Variants in EXOC1 observed in about 807,000 individuals in gnomAD.
EXOC1 encodes the protein exocyst complex component 1.
In EXOC1, 67 loss-of-function variants were observed where a neutral mutation model predicts 107.7. The ratio of observed to expected loss-of-function variants is 0.62; its 90% confidence interval spans 0.51 to 0.76. The LOEUF (loss-of-function observed/expected upper bound fraction) is 0.76. Ranked by LOEUF, EXOC1 falls within the 30% of genes least tolerant of loss-of-function variation. The pLI, the probability that EXOC1 is intolerant of heterozygous loss-of-function variation, is 0.00. For synonymous variants in EXOC1, 348 were observed against 353.5 expected (o/e 0.98, Z 0.17); for missense variants, 833 against 1,055.7 (o/e 0.79, Z 2.92).
intron 1 of EXOC1, among the ~76,000 whole-genome samples, chr4:55,858,029 C>T (rs1204206784): frequency 6.6e-6 from 1 of 152,038 alleles, no homozygotes; most frequent in East Asian, 1.9e-4. Flanking sequence ...ATGTAGAAAA[C>T]TATATTAAAA....
intron 16 of EXOC1, among the ~76,000 whole-genome samples, 191 bp from the exon 17 acceptor site, chr4:55,899,494 G>A (rs576806118): frequency 6.6e-6 from 1 of 152,114 alleles, no homozygotes; most frequent in South Asian, 2.1e-4. Context: ...ATACACATGG[G>A]ACTGTTTTAG....
chr4:55,890,134 C>T (rs1411268817), intron 11 of EXOC1, 89 bp from the exon 12 acceptor site: 12 of 1,281,954 alleles, frequency 9.4e-6, no homozygotes, highest in African/African-American at 1.5e-5. Context: ...AAGATCAAGC[C>T]AGTAGAAGAT....
intron 2 of EXOC1, among the ~76,000 whole-genome samples, chr4:55,859,395 G>A (rs978851164): frequency 1.3e-5 from 2 of 151,964 alleles, no homozygotes; most frequent in African/African-American, 4.8e-5. Context: ...TTTGATAGTC[G>A]TGAAAGCGCT....
Position 55,868,332 on chromosome 4 carries a change from T to C in EXOC1, c.416-4T>C, listed in dbSNP as rs1220068227. 6.2e-7 allele frequency: 1 copy of C among 1,604,470 alleles called. No homozygotes were observed. On this transcript the variant is annotated splice_polypyrimidine_tract_variant and splice_region_variant and intron_variant, in intron 4 of 18. Transcript: ENST00000381295. ...ATTTTACTTTGAATTTTTACCTCTT[T>C]AAGAATCTGTTCCAAGTGGAGAAAA...
intron 10 of EXOC1, among the ~76,000 whole-genome samples, chr4:55,886,575 CAAAAAAAA>C (rs71832369): frequency 5.2e-5 from 5 of 96,238 alleles, no homozygotes; most frequent in Admixed American, 1.9e-4. Context: ...AACAAAAAAA[CAAAAAAAA>C]AAAAAACAAG....
chr4:55,882,429 A>C (rs938796111), intron 9 of EXOC1, among the ~76,000 whole-genome samples: 5 of 152,212 alleles, frequency 3.3e-5, no homozygotes, highest in Admixed American at 6.5e-5. Flanking sequence ...AGTTCTGTTG[A>C]GTGCCAGGAA....
intron 1 of EXOC1, among the ~76,000 whole-genome samples, chr4:55,855,962 G>C (rs547297738): frequency 6.6e-6 from 1 of 152,202 alleles, no homozygotes; most frequent in Non-Finnish European, 1.5e-5. Flanking sequence ...GTATTTCATG[G>C]CTTTTATATC....
chr4:55,896,870 A>T lies in EXOC1; in HGVS notation c.2107A>T (p.Thr703Ser). Residue 703 changes from threonine to serine, a missense_variant, in exon 16 of 19, where the codon ACC becomes TCC. Thr to Ser is a moderately conservative substitution (Grantham distance 58). Around this residue, in one of 2 missense-constraint regions of EXOC1, gnomAD observed 216 missense variants for 354.4 expected, o/e 0.61. Coordinates refer to ENST00000381295, the MANE Select transcript of EXOC1 (RefSeq NM_001024924.2). ...TCGTGGAGACCTGGATAAAGCATAC[A>T]CCAAACTTATCAGAGGAGTATTTGT... Reference protein sequence around the residue: ...ERRGDLDKAYTKLIRGVFVNV... With the variant: ...ERRGDLDKAYSKLIRGVFVNV... The T allele has an allele frequency of 6.2e-7, 1 of 1,605,088 alleles. No individual in the cohort carries two copies. The highest frequency in any genetic ancestry group is 2.3e-5 in the East Asian group (1 of 44,430).
intron 1 of EXOC1, among the ~76,000 whole-genome samples, chr4:55,857,961 G>A (rs745919318): frequency 1.3e-5 from 2 of 152,126 alleles, no homozygotes; most frequent in Non-Finnish European, 2.9e-5. Flanking sequence ...GTCTGTTCAG[G>A]TCTTTTATTC....
chr4:55,870,621 G>A (rs1328159297), intron 5 of EXOC1, 57 bp from the exon 6 acceptor site: 2 of 1,444,668 alleles, frequency 1.4e-6, no homozygotes, highest in African/African-American at 1.5e-5. Flanking sequence ...TAAATAACAA[G>A]TATGTTTTTT....
chr4:55,892,470 G>A (rs1724673902), intron 13 of EXOC1, 165 bp from the exon 14 acceptor site: 1 of 600,114 alleles, frequency 1.7e-6, no homozygotes, highest in Admixed American at 3.0e-5. Context: ...TTCTTAAATA[G>A]CATACTAAAT....
chr4:55,891,558 G>A lies in EXOC1; in HGVS notation c.1647+136G>A, dbSNP rs1724552363. The A allele has an allele frequency of 2.1e-5, 13 of 605,718 alleles. No homozygotes were observed. The South Asian group carries it at 2.2e-4, about 10-fold the overall frequency. The allele number at this position is 605,718 out of a possible 1,614,324, so 37.5% of individuals were successfully genotyped here. ...TGTAAGGATTTTTTTATGATGTAAG[G>A]ATTTAGGATGTAAGGAATTTTTGTA... On this transcript the variant is annotated intron_variant, in intron 13 of 18. Coordinates refer to ENST00000381295, the MANE Select transcript of EXOC1 (RefSeq NM_001024924.2).
At chr4:55,880,571 C>A (rs1723296222) in intron 9 of EXOC1, among the ~76,000 whole-genome samples, 1 of 152,052 alleles carries the variant, frequency 6.6e-6, no homozygotes, top group South Asian at 2.1e-4. Flanking sequence ...AATTATATTT[C>A]CTTAAGAGTT....
chr4:55,887,132 TA>T (rs1723963642), intron 10 of EXOC1, among the ~76,000 whole-genome samples: 1 of 152,196 alleles, frequency 6.6e-6, no homozygotes. Flanking sequence ...AATTTTTTTT[TA>T]GTCACCATTT....
chr4:55,887,396 A>T (rs1724025876), intron 10 of EXOC1, among the ~76,000 whole-genome samples: 1 of 152,148 alleles, frequency 6.6e-6, no homozygotes, highest in Admixed American at 6.5e-5. Context: ...CTAATAACTC[A>T]CTGTTATAAG....
chr4:55,861,927 G>A lies in EXOC1; in HGVS notation c.255+1386G>A, dbSNP rs191345016. Among the ~76,000 whole-genome samples the A allele has an allele frequency of 4.5e-3, 687 of 152,246 alleles. 3 individuals carry two copies. The highest frequency in any genetic ancestry group is 7.7e-3 in the Non-Finnish European group (524 of 68,020). On this transcript the variant is annotated intron_variant, in intron 3 of 18. Transcript: ENST00000381295. Reference sequence around the variant, plus strand: ...AAATTAGCTGGGCGTGGCGGCACACGCCTGTAGTCCCAGCTTCTTGGGAGG... The same window carrying A: ...AAATTAGCTGGGCGTGGCGGCACACACCTGTAGTCCCAGCTTCTTGGGAGG...
intron 1 of EXOC1, among the ~76,000 whole-genome samples, chr4:55,854,275 A>G (rs1483196817): frequency 6.8e-6 from 1 of 147,050 alleles, no homozygotes; most frequent in Admixed American, 7.1e-5. Context: ...TCATGCATTA[A>G]TATATCTCAG....
rs747247441 is a variant in EXOC1 at position 55,888,891 on chromosome 4, C to T, written c.1334C>T (p.Thr445Ile). Residue 445 changes from threonine (T) to isoleucine (I), a missense_variant, in exon 11 of 19, where the codon ACA becomes ATA. Physicochemically the swap from Thr to Ile is moderately conservative, Grantham distance 89. This residue lies in a region of EXOC1 where 617 missense variants were observed against 701.3 expected (regional missense o/e 0.88). Coordinates refer to ENST00000381295, the MANE Select transcript of EXOC1 (RefSeq NM_001024924.2). ...GTTKESKKFA[T>I]LPRKESAVKQ... ...CTTGCAACCTAATCCATCACAGCTACACTGCCTCGAAAAGAAAGTGCTGTC... is the reference window on the plus strand; with the variant it reads ...CTTGCAACCTAATCCATCACAGCTATACTGCCTCGAAAAGAAAGTGCTGTC... 3 of 1,613,628 alleles carry T rather than the reference C, an allele frequency of 1.9e-6. No individual in the cohort carries two copies. The highest frequency in any genetic ancestry group is 2.5e-6 in the Non-Finnish European group (3 of 1,179,688).
chr4:55,893,904 GC>G, intron 15 of EXOC1, 124 bp downstream of exon 15: 1 of 738,018 alleles, frequency 1.4e-6, no homozygotes, highest in Non-Finnish European at 2.2e-6. Context: ...GTCCCTCGAA[GC>G]AGGGCATGGC....
Sources: gnomAD v4.1 joint callset for allele counts (sites outside exome capture counted in the v4.1 genomes callset) on GRCh38, gnomAD v4.1.1 for gene constraint, gnomAD v4.1.1 regional missense constraint, MANE v1.5 for transcripts, NCBI Gene and HGNC (gene_info 2026-07-23, HGNC 2026-07-21) for gene names.